IL34: variants seen among roughly 807,000 people sequenced by gnomAD.
IL34 encodes interleukin 34.
Under a neutral mutation model 25.3 loss-of-function variants are expected in IL34, and 17 were observed. That is an observed-to-expected ratio of 0.67 (90% CI 0.46 to 1.01). IL34 has a LOEUF of 1.01. IL34 is among the 50% of genes least tolerant of loss of function. The pLI is 0.00. For synonymous variants in IL34, 174 were observed against 140.9 expected, an observed-to-expected ratio of 1.23 and a Z score of -1.66; for missense variants, 368 against 312.9, an observed-to-expected ratio of 1.18 and a Z score of -1.33.
upstream of IL34, among the ~76,000 whole-genome samples, chr16:70,643,572 A>C (rs2051837626): frequency 6.6e-6 from 1 of 151,876 alleles, no homozygotes; most frequent in Admixed American, 6.6e-5. Context: ...ACGGGTTCTC[A>C]CTATGTTGCC....
chr16:70,615,606 T>C (rs530688733), intron 1 of IL34, among the ~76,000 whole-genome samples: 5 of 152,306 alleles, frequency 3.3e-5, no homozygotes, highest in African/African-American at 1.2e-4. Flanking sequence ...TATTCTAATA[T>C]GTTCACTTTA....
intron 1 of IL34, among the ~76,000 whole-genome samples, chr16:70,614,973 G>A (rs2151830813): frequency 6.6e-6 from 1 of 152,232 alleles, no homozygotes; most frequent in Admixed American, 6.5e-5. Context: ...TAGAACTATA[G>A]CAAAGAGTTT....
intron 1 of IL34, among the ~76,000 whole-genome samples, chr16:70,653,740 TAGTG>T (rs2052140481): frequency 6.6e-6 from 1 of 152,206 alleles, no homozygotes; most frequent in African/African-American, 2.4e-5. Flanking sequence ...TTTATCTAGT[TAGTG>T]AGTCTGATAT....
intron 1 of IL34, among the ~76,000 whole-genome samples, chr16:70,592,870 G>A (rs939590938): frequency 2.0e-5 from 3 of 152,184 alleles, no homozygotes; most frequent in African/African-American, 7.2e-5. Flanking sequence ...GGTCAGGCTG[G>A]TCTTGAACTC....
At chr16:70,630,530 C>T (rs1005381971) in intron 1 of IL34, among the ~76,000 whole-genome samples, 2 of 151,608 alleles carry the variant, frequency 1.3e-5, no homozygotes, top group African/African-American at 4.8e-5. Context: ...CTGCGCCTGG[C>T]CCCTCCCTTC....
intron 4 of IL34, among the ~76,000 whole-genome samples, chr16:70,657,802 T>C (rs555915071): frequency 1.1e-4 from 17 of 152,230 alleles, no homozygotes; most frequent in African/African-American, 4.1e-4. Flanking sequence ...AAAACTATGC[T>C]GTATAATGCA....
At position 70,660,457 on chromosome 16, in the gene IL34, C is replaced by A. The variant is rs908793698; in HGVS notation, c.*270C>A. 2 of 390,002 alleles carry A rather than the reference C, an allele frequency of 5.1e-6. No individual in the cohort carries two copies. 24.2% of individuals were successfully genotyped at this position (390,002 alleles called of 1,614,324 possible). A position where few individuals can be genotyped will look rare whatever the true frequency, so the allele number is the denominator to read the frequency against. On this transcript the variant is annotated 3_prime_UTR_variant, in exon 6 of 6. Coordinates refer to ENST00000288098, the MANE Select transcript of IL34 (RefSeq NM_001393494.1). Reference sequence around the variant, plus strand: ...TCCTGGCTTCTCCTGGTGCTGCCCTCACTGTCCCCCCGCCTAAAGGGGGTA... The same window carrying A: ...TCCTGGCTTCTCCTGGTGCTGCCCTAACTGTCCCCCCGCCTAAAGGGGGTA...
chr16:70,635,650 C>A (rs545640648), intron 1 of IL34, among the ~76,000 whole-genome samples: 2 of 152,294 alleles, frequency 1.3e-5, no homozygotes, highest in East Asian at 1.9e-4. Flanking sequence ...TTCTTTCTTG[C>A]CTTCTTTCAC....
At chr16:70,596,469 G>C (rs1398992935) in intron 1 of IL34, among the ~76,000 whole-genome samples, 2 of 152,204 alleles carry the variant, frequency 1.3e-5, no homozygotes, top group Non-Finnish European at 2.9e-5. Flanking sequence ...GCAGGCATCT[G>C]AGTGGCAGAT....
At chr16:70,629,230 T>C (rs2051463900) in intron 1 of IL34, among the ~76,000 whole-genome samples, 1 of 152,236 alleles carries the variant, frequency 6.6e-6, no homozygotes, top group Non-Finnish European at 1.5e-5. Context: ...TATTACCTTC[T>C]GTGTAATGGT....
chr16:70,594,332 A>G (rs751562116), intron 1 of IL34, among the ~76,000 whole-genome samples: 17 of 152,128 alleles, frequency 1.1e-4, no homozygotes, highest in Non-Finnish European at 1.8e-4. Context: ...TCTTGTACAT[A>G]TTTTGTTAGA....
chr16:70,622,274 T>C (rs2051298447), intron 1 of IL34, among the ~76,000 whole-genome samples: 1 of 152,050 alleles, frequency 6.6e-6, no homozygotes, highest in Admixed American at 6.6e-5. Flanking sequence ...AAAGTTATTT[T>C]AGTTATCTGA....
chr16:70,639,134 C>G (rs1249564490), intron 1 of IL34, among the ~76,000 whole-genome samples: 5 of 152,218 alleles, frequency 3.3e-5, no homozygotes, highest in Non-Finnish European at 7.3e-5. Context: ...TATGGTGTGG[C>G]ACTGAGCTTT....
intron 1 of IL34, among the ~76,000 whole-genome samples, chr16:70,647,824 T>A (rs1223370683): frequency 2.6e-5 from 4 of 152,094 alleles, no homozygotes; most frequent in Non-Finnish European, 5.9e-5. Context: ...GTTGGGACAT[T>A]AAGGATGGGT....
intron 1 of IL34, among the ~76,000 whole-genome samples, chr16:70,648,284 G>GGT (rs1869703575): frequency 6.6e-6 from 1 of 152,212 alleles, no homozygotes; most frequent in Admixed American, 6.5e-5. Context: ...ATGCTGGGCT[G>GGT]GTGGCTCACG....
intron 1 of IL34, among the ~76,000 whole-genome samples, chr16:70,653,689 GAA>G (rs1267377107): frequency 6.6e-6 from 1 of 152,008 alleles, no homozygotes; most frequent in East Asian, 1.9e-4. Context: ...CCAAAAAAAA[GAA>G]AAAGAAAAAT....
At chr16:70,631,991 C>CT (rs2051529256) in intron 1 of IL34, among the ~76,000 whole-genome samples, 2 of 151,370 alleles carry the variant, frequency 1.3e-5, no homozygotes, top group African/African-American at 4.9e-5. Flanking sequence ...ATCCCAGCTA[C>CT]TTGGGAGGCT....
chr16:70,622,138 G>A (rs964324601), intron 1 of IL34, among the ~76,000 whole-genome samples: 67 of 152,156 alleles, frequency 4.4e-4, no homozygotes, highest in African/African-American at 1.0e-3. Flanking sequence ...TTATCAGACT[G>A]TATAGAGGGG....
At chr16:70,600,177 G>T (rs764600892) in intron 1 of IL34, among the ~76,000 whole-genome samples, 2 of 151,898 alleles carry the variant, frequency 1.3e-5, no homozygotes, top group Non-Finnish European at 2.9e-5. Flanking sequence ...GTCTTCTCTC[G>T]TTCCTATTTT....
Sources: gnomAD v4.1 joint callset for allele counts (sites outside exome capture counted in the v4.1 genomes callset) on GRCh38, gnomAD v4.1.1 for gene constraint, MANE v1.5 for transcripts, NCBI Gene and HGNC (gene_info 2026-07-23, HGNC 2026-07-21) for gene names.